Variants in CDH12 observed in about 807,000 individuals in gnomAD.
CDH12 encodes cadherin-12.
Under a neutral mutation model 74.1 loss-of-function variants are expected in CDH12, and 41 were observed. The ratio of observed to expected loss-of-function variants is 0.55; its 90% CI spans 0.43 to 0.72. The LOEUF is 0.72. Ranked by LOEUF, CDH12 falls within the 30% of genes least tolerant of loss-of-function variation. The pLI is 0.00. For synonymous variants in CDH12, 399 were observed against 355.0 expected, an observed-to-expected ratio of 1.12 and a Z score of -1.39; for missense variants, 945 against 977.2, an observed-to-expected ratio of 0.97 and a Z score of 0.44.
At chr5:22,725,006 A>G (rs969489807) in intron 1 of CDH12, among the ~76,000 whole-genome samples, 2 of 151,856 alleles carry the variant, frequency 1.3e-5, no homozygotes, top group African/African-American at 4.8e-5. Flanking sequence ...ACTTAATTTT[A>G]CTGTGTTGGG....
At chr5:22,499,869 C>T (rs993607314) in intron 2 of CDH12, among the ~76,000 whole-genome samples, 1 of 152,150 alleles carries the variant, frequency 6.6e-6, no homozygotes, top group Admixed American at 6.6e-5. Flanking sequence ...ATCTGCCACA[C>T]TGGCCACACT....
rs71609761 is a variant in CDH12 at position 22,327,428 on chromosome 5, C to CTGTGTGTG, written c.-333+77821_-333+77828dup. Among the ~76,000 whole-genome samples, 203 of 103,332 alleles carry CTGTGTGTG rather than the reference C, an allele frequency of 2.0e-3. 1 individual carries two copies. Among genetic ancestry groups the CTGTGTGTG allele is most frequent in the Middle Eastern group, 5.4e-3 (1 of 186 alleles). 67.8% of individuals were successfully genotyped at this position (103,332 alleles called of 152,430 possible). On this transcript the variant is annotated intron_variant, in intron 3 of 14. Transcript: ENST00000382254. The stretch of plus-strand genomic sequence containing the variant: ...TGACCGGGAGATAAAATTTGTGCCT[C>CTGTGTGTG]TGTGTGTGTGTGTGTGTGTGTGTGT...
chr5:21,780,489 T>G (rs1001026080), intron 11 of CDH12, among the ~76,000 whole-genome samples: 5 of 152,220 alleles, frequency 3.3e-5, no homozygotes, highest in African/African-American at 9.6e-5. Context: ...ATCAATAAAC[T>G]GTCTGAGACA....
chr5:22,481,479 T>C (rs1746381370), intron 2 of CDH12, among the ~76,000 whole-genome samples: 1 of 152,086 alleles, frequency 6.6e-6, no homozygotes, highest in African/African-American at 2.4e-5. Context: ...GATGAATTGA[T>C]AGAGAAAATG....
intron 3 of CDH12, among the ~76,000 whole-genome samples, chr5:22,262,275 C>T (rs1314488632): frequency 2.5e-5 from 3 of 121,490 alleles, no homozygotes; most frequent in African/African-American, 9.2e-5. Flanking sequence ...CCCCTCCCCC[C>T]ACCCCACAAC....
rs443424 is a variant in CDH12 at position 22,717,211 on chromosome 5, T to C, written c.-523+135847A>G. 4.5e-3 allele frequency among the ~76,000 whole-genome samples: 679 copies of C among 152,246 alleles called. 25 individuals are homozygous for C. The East Asian group carries it at 0.089, about 20-fold the overall frequency. On this transcript the variant is annotated intron_variant, in intron 1 of 14. Transcript: ENST00000382254. ...CAGAGCAACTTCCAGTACTGCAAGC[T>C]CCATTCATGGTATATGCCCTATACA...
At chr5:22,196,519 T>C (rs1416072443) in intron 4 of CDH12, among the ~76,000 whole-genome samples, 3 of 152,110 alleles carry the variant, frequency 2.0e-5, no homozygotes, top group Non-Finnish European at 2.9e-5. Flanking sequence ...CCATTCCAGG[T>C]GACATCCTAT....
chr5:22,327,471 C>T (rs1431487830), intron 3 of CDH12, among the ~76,000 whole-genome samples: 14 of 117,074 alleles, frequency 1.2e-4, no homozygotes, highest in Admixed American at 1.1e-3. Context: ...TGTGTGTGTG[C>T]ATCTGTGTGC....
At chr5:22,260,124 T>G (rs1393752365) in intron 3 of CDH12, among the ~76,000 whole-genome samples, 1 of 152,040 alleles carries the variant, frequency 6.6e-6, no homozygotes, top group Non-Finnish European at 1.5e-5. Flanking sequence ...TACTTTTCCT[T>G]TCTAATAACC....
intron 9 of CDH12, among the ~76,000 whole-genome samples, chr5:21,813,578 A>G (rs1298167987): frequency 1.3e-5 from 2 of 152,182 alleles, no homozygotes; most frequent in African/African-American, 4.8e-5. Flanking sequence ...ATAATTCAAC[A>G]TCTTTGCCTG....
chr5:22,638,139 C>A (rs1438069533), intron 1 of CDH12, among the ~76,000 whole-genome samples: 1 of 152,138 alleles, frequency 6.6e-6, no homozygotes, highest in African/African-American at 2.4e-5. Flanking sequence ...TATTAGACTT[C>A]TCTAGAGGGA....
intron 2 of CDH12, among the ~76,000 whole-genome samples, chr5:22,420,788 G>A (rs1743615429): frequency 6.6e-6 from 1 of 152,078 alleles, no homozygotes; most frequent in South Asian, 2.1e-4. Context: ...TCAGCAGTAT[G>A]GTCATCTTTA....
At chr5:22,705,213 A>G (rs188726048) in intron 1 of CDH12, among the ~76,000 whole-genome samples, 1 of 150,012 alleles carries the variant, frequency 6.7e-6, no homozygotes, top group Non-Finnish European at 1.5e-5. Flanking sequence ...TGAATTTGTA[A>G]CTTACATTTC....
At chr5:22,042,619 C>G (rs1367621162) in intron 5 of CDH12, among the ~76,000 whole-genome samples, 2 of 152,040 alleles carry the variant, frequency 1.3e-5, no homozygotes, top group African/African-American at 4.8e-5. Context: ...AACACAGGGA[C>G]TCACACCTAT....
chr5:22,058,500 G>C (rs1275201408), intron 5 of CDH12, among the ~76,000 whole-genome samples: 4 of 151,566 alleles, frequency 2.6e-5, no homozygotes, highest in Non-Finnish European at 5.9e-5. Context: ...AAATTTTTTG[G>C]AAATCTTTAA....
At chr5:21,832,418 C>T (rs1208544224) in intron 8 of CDH12, among the ~76,000 whole-genome samples, 1 of 151,946 alleles carries the variant, frequency 6.6e-6, no homozygotes, top group Non-Finnish European at 1.5e-5. Flanking sequence ...TCATGATCTC[C>T]TTATAGGAGA....
intron 2 of CDH12, among the ~76,000 whole-genome samples, chr5:22,482,282 A>T (rs1461352798): frequency 6.6e-6 from 1 of 152,158 alleles, no homozygotes; most frequent in East Asian, 1.9e-4. Context: ...ATATTTTGTG[A>T]AGACAATATT....
In CDH12 at chr5:21,817,131, G is replaced by A. The variant is rs1172963951; in HGVS notation, c.816C>T (p.Ser272=). 5 of 1,602,270 alleles carry A rather than the reference G, an allele frequency of 3.1e-6. No individual in the cohort carries two copies. In the Admixed American group the frequency reaches 6.8e-5, roughly 22 times the overall value. Residue 272 remains serine, a splice_region_variant and synonymous_variant, in exon 9 of 15, where the codon AGC becomes AGT. Transcript: ENST00000382254. ...ACTCAGGAACTTTCAAGTGGAAGAT[G>A]CCTGATAAGACATATAAAATTTGAA... is the stretch of plus-strand genomic sequence containing the variant. ...VNDNPPRFPK[S]IFHLKVPESS... is the part of the protein sequence containing the mutation.
At chr5:22,840,143 G>A (rs1043516092) in intron 1 of CDH12, among the ~76,000 whole-genome samples, 1 of 152,076 alleles carries the variant, frequency 6.6e-6, no homozygotes, top group African/African-American at 2.4e-5. Context: ...TTGTTTGAGA[G>A]ACAGTCTCGC....
Sources: gnomAD v4.1 joint callset for allele counts (sites outside exome capture counted in the v4.1 genomes callset) on GRCh38, gnomAD v4.1.1 for gene constraint, MANE v1.5 for transcripts, NCBI Gene and HGNC (gene_info 2026-07-23, HGNC 2026-07-21) for gene names.